COL8A1: variants seen among roughly 807,000 people sequenced by gnomAD.
COL8A1 encodes collagen alpha-1(VIII) chain.
In COL8A1, 21 loss-of-function variants were observed where a neutral mutation model predicts 42.7. The observed-to-expected ratio is 0.49, with a 90% CI of 0.35 to 0.71. The LOEUF (loss-of-function observed/expected upper bound fraction) is 0.71, where lower values mean the gene tolerates loss of function less well. Among genes scored for constraint, COL8A1 ranks in the 30% least tolerant of loss-of-function variants. COL8A1 has a pLI of 0.01. For missense variants in COL8A1, 788 were observed against 962.4 expected (o/e 0.82, Z 2.40); for synonymous variants, 367 against 369.1 (o/e 0.99, Z 0.06).
chr3:99,728,843 T>G (rs1940416512), intron 1 of COL8A1, among the ~76,000 whole-genome samples: 1 of 152,066 alleles, frequency 6.6e-6, no homozygotes, highest in Admixed American at 6.6e-5. Context: ...AGATTTGCTC[T>G]ATACTCTCAA....
chr3:99,685,614 T>C (rs1939026545), intron 1 of COL8A1: 1 of 152,184 alleles, frequency 6.6e-6, no homozygotes, highest in South Asian at 2.1e-4. Flanking sequence ...CCTATGTTGG[T>C]TTTCCATTTA....
intron 1 of COL8A1, among the ~76,000 whole-genome samples, chr3:99,660,440 G>A (rs1046584579): frequency 1.3e-5 from 2 of 152,170 alleles, no homozygotes; most frequent in African/African-American, 4.8e-5. Flanking sequence ...AGATCAGTGG[G>A]ACATCATCTC....
rs1055183003 is a variant in COL8A1, at chr3:99,683,092, G to T, written c.-129+44428G>T. 2.0e-5 allele frequency among the ~76,000 whole-genome samples: 3 copies of T among 152,130 alleles called. No individual in the cohort carries two copies. The South Asian group carries it at 6.2e-4, about 31-fold the overall frequency. On this transcript the variant is annotated intron_variant, in intron 1 of 3. Transcript: ENST00000652472. ...GTTCAGAATTAAATAACATGTATGTGAAATTTTTTAAAAAGAAGTGTCTTA... is the reference window on the plus strand; with the variant it reads ...GTTCAGAATTAAATAACATGTATGTTAAATTTTTTAAAAAGAAGTGTCTTA...
intron 2 of COL8A1, among the ~76,000 whole-genome samples, chr3:99,768,863 T>C (rs183584607): frequency 6.6e-6 from 1 of 152,324 alleles, no homozygotes; most frequent in Admixed American, 6.5e-5. Flanking sequence ...TAGGTAAAGG[T>C]TAATCTTATC....
At chr3:99,766,051 G>T (rs1576468468) in intron 2 of COL8A1, among the ~76,000 whole-genome samples, 1 of 152,108 alleles carries the variant, frequency 6.6e-6, no homozygotes, top group Non-Finnish European at 1.5e-5. Flanking sequence ...TACCAGAGCT[G>T]GTTGGTAAAA....
intron 1 of COL8A1, chr3:99,678,913 CT>C (rs1938782025): frequency 6.6e-6 from 1 of 152,110 alleles, no homozygotes; most frequent in African/African-American, 2.4e-5. Flanking sequence ...TTAGATTTTT[CT>C]TTCTTGCACT....
intron 1 of COL8A1, among the ~76,000 whole-genome samples, chr3:99,729,790 A>G (rs1940448244): frequency 1.3e-5 from 2 of 152,190 alleles, no homozygotes; most frequent in South Asian, 4.1e-4. Context: ...TCCAAGCATG[A>G]TAAGAAGCAT....
At chr3:99,756,040 G>A (rs1415464017) in intron 2 of COL8A1, among the ~76,000 whole-genome samples, 2 of 151,958 alleles carry the variant, frequency 1.3e-5, no homozygotes, top group Non-Finnish European at 2.9e-5. Context: ...AAACATGATC[G>A]GTGCCCAGTG....
At chr3:99,680,703 T>C (rs891058547) in intron 1 of COL8A1, among the ~76,000 whole-genome samples, 3 of 152,172 alleles carry the variant, frequency 2.0e-5, no homozygotes, top group Non-Finnish European at 4.4e-5. Context: ...TGGTGTGAGA[T>C]GGTATCTCAT....
intron 1 of COL8A1, among the ~76,000 whole-genome samples, chr3:99,681,190 G>A (rs568056800): frequency 1.1e-4 from 17 of 152,288 alleles, no homozygotes; most frequent in African/African-American, 3.9e-4. Context: ...ACTACCATCA[G>A]AGTGAACAGG....
intron 1 of COL8A1, among the ~76,000 whole-genome samples, chr3:99,686,573 C>T (rs1345939473): frequency 1.3e-5 from 2 of 152,178 alleles, no homozygotes; most frequent in African/African-American, 4.8e-5. Context: ...GTCTTCAGAG[C>T]AAGAGAACAT....
At chr3:99,724,861 G>A (rs934118681) in intron 1 of COL8A1, among the ~76,000 whole-genome samples, 1 of 151,932 alleles carries the variant, frequency 6.6e-6, no homozygotes, top group Admixed American at 6.6e-5. Flanking sequence ...TGTGTATTGG[G>A]GAAAGAAAAG....
intron 1 of COL8A1, among the ~76,000 whole-genome samples, chr3:99,650,408 T>A (rs1937805887): frequency 6.6e-6 from 1 of 152,188 alleles, no homozygotes; most frequent in Non-Finnish European, 1.5e-5. Context: ...CCACTAGCCA[T>A]GTATGGCTAC....
intron 2 of COL8A1, among the ~76,000 whole-genome samples, chr3:99,779,588 C>T (rs749616441): frequency 4.6e-5 from 7 of 152,148 alleles, no homozygotes; most frequent in South Asian, 4.1e-4. Flanking sequence ...GGGAGCAGGA[C>T]GAGATCCAGC....
intron 2 of COL8A1, among the ~76,000 whole-genome samples, chr3:99,768,384 C>T (rs1027789939): frequency 9.9e-5 from 15 of 152,154 alleles, no homozygotes; most frequent in African/African-American, 3.6e-4. Flanking sequence ...TCACTAGCTA[C>T]CAGATACTTT....
At chr3:99,649,441 G>T (rs899445650) in intron 1 of COL8A1, among the ~76,000 whole-genome samples, 4 of 152,112 alleles carry the variant, frequency 2.6e-5, no homozygotes, top group Non-Finnish European at 5.9e-5. Flanking sequence ...GATTTTAATT[G>T]TGCTACTCTC....
chr3:99,789,936 C>G (rs1042917151), intron 2 of COL8A1, among the ~76,000 whole-genome samples: 13 of 152,154 alleles, frequency 8.5e-5, no homozygotes, highest in Non-Finnish European at 2.9e-5. Context: ...CATGAAGAAG[C>G]ATTTTCTCTT....
At chr3:99,774,321 A>C (rs793486) in intron 2 of COL8A1, among the ~76,000 whole-genome samples, 77,473 of 151,118 alleles carry the variant, frequency 0.51, 20,076 homozygotes, top group East Asian at 0.67. Context: ...TCTTAGCCTG[A>C]CTCAGAGTTC....
intron 1 of COL8A1, among the ~76,000 whole-genome samples, chr3:99,721,966 AG>A (rs1940170106): frequency 6.6e-6 from 1 of 152,108 alleles, no homozygotes; most frequent in Non-Finnish European, 1.5e-5. Flanking sequence ...AAAGTTTAAA[AG>A]GAAATGAAGT....
Sources: allele counts gnomAD v4.1 joint callset (sites outside exome capture counted in the v4.1 genomes callset), GRCh38; gene constraint gnomAD v4.1.1; transcripts MANE v1.5; gene names NCBI Gene and HGNC (gene_info 2026-07-23, HGNC 2026-07-21).